The following CRYBB2 variants were observed in gnomAD, a reference collection of about 807,000 sequenced individuals.
CRYBB2 encodes the protein beta-crystallin B2.
CRYBB2 carries 12 observed loss-of-function variants against 24.3 expected under a neutral mutation model. That is an observed-to-expected ratio of 0.49 (90% CI 0.32 to 0.80). The LOEUF (loss-of-function observed/expected upper bound fraction) is 0.80, where lower values mean the gene tolerates loss of function less well. CRYBB2 is among the 30% of genes least tolerant of loss of function. CRYBB2 has a pLI of 0.04. For missense variants in CRYBB2, 198 were observed against 268.5 expected (o/e 0.74, Z 1.83); for synonymous variants, 98 against 101.6 (o/e 0.96, Z 0.21).
chr22:25,230,502 AATC>A (rs1419020145), intron 5 of CRYBB2, among the ~76,000 whole-genome samples: 2 of 151,996 alleles, frequency 1.3e-5, no homozygotes, highest in African/African-American at 4.8e-5. Flanking sequence ...CTGGTTGACT[AATC>A]ATTGGTAGCT....
chr22:25,228,119 G>A, intron 4 of CRYBB2, 134 bp downstream of exon 4: 1 of 1,372,000 alleles, frequency 7.3e-7, no homozygotes, highest in Non-Finnish European at 1.0e-6. Flanking sequence ...TCTGATTGGT[G>A]AGGAACCTCC....
upstream of CRYBB2, among the ~76,000 whole-genome samples, chr22:25,218,149 CTA>C (rs1935206199): frequency 1.2e-4 from 18 of 151,968 alleles, no homozygotes; most frequent in South Asian, 3.7e-3. Context: ...GTCCCAGCTA[CTA>C]GGGAGGCTGA....
At chr22:25,224,721 G>A (rs779637706) in intron 2 of CRYBB2, among the ~76,000 whole-genome samples, 197 bp from the exon 3 acceptor site, 10 of 152,180 alleles carry the variant, frequency 6.6e-5, no homozygotes, top group Admixed American at 3.9e-4. Context: ...GACGCTCAGA[G>A]AGGAGAAATG....
chr22:25,218,249 A>G (rs1181712510), upstream of CRYBB2, among the ~76,000 whole-genome samples: 4 of 136,702 alleles, frequency 2.9e-5, no homozygotes, highest in Non-Finnish European at 4.8e-5. Context: ...ACAGAGCGAG[A>G]CTCCATCTCA....
chr22:25,230,611 A>G (rs1289740898), intron 5 of CRYBB2, among the ~76,000 whole-genome samples: 1 of 147,946 alleles, frequency 6.8e-6, no homozygotes, highest in Non-Finnish European at 1.5e-5. Flanking sequence ...AGCCAAACAT[A>G]CTGGCTTCTT....
upstream of CRYBB2, among the ~76,000 whole-genome samples, chr22:25,217,993 C>T (rs1034528229): frequency 2.0e-5 from 3 of 152,086 alleles, no homozygotes; most frequent in Admixed American, 6.5e-5. Flanking sequence ...GGCGCGGTGG[C>T]TCACGCCTGT....
At chr22:25,214,921 A>G (rs527272686), upstream of CRYBB2, among the ~76,000 whole-genome samples, 11 of 152,360 alleles carry the variant, frequency 7.2e-5, no homozygotes, top group Non-Finnish European at 1.6e-4. Context: ...TAGGAATAAT[A>G]AACATCTCCC....
chr22:25,227,794 T>C, intron 3 of CRYBB2, 59 bp from the exon 4 acceptor site: 1 of 1,612,796 alleles, frequency 6.2e-7, no homozygotes, highest in Admixed American at 1.7e-5. Flanking sequence ...GCCAGGATTC[T>C]GCCATAGGAA....
rs765894916 is a variant in CRYBB2, at chr22:25,231,693, C to G, written c.539C>G (p.Pro180Arg). Residue 180 changes from proline (P) to arginine (R), a missense_variant, in exon 6 of 6, where the codon CCT (proline) becomes CGT (arginine). Coordinates refer to ENST00000398215, the MANE Select transcript of CRYBB2 (RefSeq NM_000496.3). ...AAGGACAGCAGCGACTTTGGGGCCC[C>G]TCACCCCCAGGTGCAGTCCGTGCGC... The part of the protein sequence containing the change: ...DYKDSSDFGA[P>R]HPQVQSVRRI... 1.1e-5 allele frequency: 18 copies of G among 1,614,022 alleles called. No individual in the cohort carries two copies. Among genetic ancestry groups the G allele is most frequent in the Admixed American group, 5.0e-5 (3 of 59,998 alleles).
chr22:25,226,541 T>C (rs528826223), intron 3 of CRYBB2, among the ~76,000 whole-genome samples: 25 of 152,346 alleles, frequency 1.6e-4, no homozygotes, highest in African/African-American at 5.3e-4. Context: ...CAGTCCATGA[T>C]TGAATATGCC....
At chr22:25,223,577 A>G (rs1406405782) in intron 2 of CRYBB2, among the ~76,000 whole-genome samples, 1 of 152,080 alleles carries the variant, frequency 6.6e-6, no homozygotes, top group Non-Finnish European at 1.5e-5. Flanking sequence ...CGAGTCAGTG[A>G]CCGTAAAGGG....
At chr22:25,218,406 C>T (rs1289681859), upstream of CRYBB2, among the ~76,000 whole-genome samples, 2 of 151,922 alleles carry the variant, frequency 1.3e-5, no homozygotes, top group Non-Finnish European at 2.9e-5. Context: ...CCTGGAATCC[C>T]AGCACTTTAG....
At chr22:25,212,372 G>A (rs1254269114), upstream of CRYBB2, among the ~76,000 whole-genome samples, 1 of 152,192 alleles carries the variant, frequency 6.6e-6, no homozygotes, top group Non-Finnish European at 1.5e-5. Flanking sequence ...CAGGGGCAGG[G>A]GGCCAGGACC....
intron 3 of CRYBB2, among the ~76,000 whole-genome samples, chr22:25,227,116 T>G (rs1935432484): frequency 6.6e-6 from 1 of 152,260 alleles, no homozygotes; most frequent in Non-Finnish European, 1.5e-5. Context: ...TATTGCACAT[T>G]GCTGAAATGT....
At chr22:25,218,678 G>T (rs116930843), upstream of CRYBB2, among the ~76,000 whole-genome samples, 34,904 of 108,348 alleles carry the variant, frequency 0.32, 8,071 homozygotes, top group African/African-American at 0.48. Flanking sequence ...AAGAAAGAAA[G>T]AGAAAGAAAG....
At chr22:25,223,847 G>A (rs947603664) in intron 2 of CRYBB2, among the ~76,000 whole-genome samples, 12 of 152,270 alleles carry the variant, frequency 7.9e-5, no homozygotes, top group South Asian at 2.1e-4. Context: ...GAGGCCGGGC[G>A]CGGTGGCTCA....
At position 25,227,862 on chromosome 22, in the gene CRYBB2, C is replaced by A; in HGVS notation, c.183C>A (p.Gly61=). 1 of 1,614,098 alleles carries A rather than the reference C, an allele frequency of 6.2e-7. No individual in the cohort carries two copies. Among genetic ancestry groups the A allele is most frequent in the East Asian group, 2.2e-5 (1 of 44,872 alleles). The change falls in exon 4 of 6, where the codon GGC becomes GGA. Residue 61 remains glycine (G), a synonymous_variant. Coordinates refer to ENST00000398215, the MANE Select transcript of CRYBB2 (RefSeq NM_000496.3). The part of the protein sequence containing the change: ...SVLVQAGPWV[G]YEQANCKGEQ... ...TCTGTCTCCATGGCAGCTGGGTGGG[C>A]TATGAACAGGCCAACTGCAAGGGCG...
At chr22:25,218,378 C>T (rs947229772), upstream of CRYBB2, among the ~76,000 whole-genome samples, 31 of 151,776 alleles carry the variant, frequency 2.0e-4, no homozygotes, top group Admixed American at 7.2e-4. Flanking sequence ...AGAAACAGGC[C>T]GGGTGCAGTG....
chr22:25,218,718 GA>G (rs372723716), upstream of CRYBB2, among the ~76,000 whole-genome samples: 575 of 65,450 alleles, frequency 8.8e-3, 64 homozygotes, highest in African/African-American at 0.019. Flanking sequence ...GAGAGAGAGA[GA>G]GAGAGAGAGA....
Sources: allele counts gnomAD v4.1 joint callset (sites outside exome capture counted in the v4.1 genomes callset), GRCh38; gene constraint gnomAD v4.1.1; transcripts MANE v1.5; gene names NCBI Gene and HGNC (gene_info 2026-07-23, HGNC 2026-07-21).